The following JAKMIP1 variants were observed in gnomAD, a reference collection of about 807,000 sequenced individuals.
JAKMIP1 encodes the protein janus kinase and microtubule interacting protein 1, also known as janus kinase and microtubule-interacting protein 1.
A neutral mutation model predicts 113.0 loss-of-function variants in JAKMIP1; 33 were observed. That is an observed-to-expected ratio of 0.29 (90% confidence interval 0.22 to 0.39). The LOEUF (loss-of-function observed/expected upper bound fraction) is 0.39. Among genes scored for constraint, JAKMIP1 ranks in the 10% least tolerant of loss-of-function variants. The pLI is 1.00. For synonymous variants in JAKMIP1, 480 were observed against 459.9 expected (o/e 1.04, Z -0.56); for missense variants, 813 against 1,080.5 (o/e 0.75, Z 3.47).
Position 6,141,746 on chromosome 4 carries a change from A to G in JAKMIP1, c.-147-28749T>C, listed in dbSNP as rs537596048. 3.3e-5 allele frequency among the ~76,000 whole-genome samples: 5 copies of G among 152,296 alleles called. No individual in the cohort carries two copies. The East Asian group carries it at 7.7e-4, about 24-fold the overall frequency. On this transcript the variant is annotated intron_variant, in intron 1 of 20. Transcript: ENST00000409021. The surrounding 1 kb of genome is among the most constrained non-coding windows in gnomAD (Gnocchi z 9.4). The stretch of plus-strand genomic sequence containing the variant: ...TCTGCACCAAATGGAAAGTGGCCCC[A>G]GGACACTGATGCCGAGGATGCTGAC...
chr4:6,056,908 T>G, intron 11 of JAKMIP1, 149 bp from the exon 12 acceptor site: 2 of 606,180 alleles, frequency 3.3e-6, no homozygotes, highest in Non-Finnish European at 3.0e-6. Context: ...ATTGTCCCTG[T>G]CCACTTTTAA....
In JAKMIP1 at chr4:6,093,453, ACAGTGTC is replaced by A. The variant is rs1225541011; in HGVS notation, c.625-7831_625-7825del. Among the ~76,000 whole-genome samples, 3 of 152,194 alleles carry A rather than the reference ACAGTGTC, an allele frequency of 2.0e-5. No homozygotes were observed. Among genetic ancestry groups the A allele is most frequent in the Non-Finnish European group, 4.4e-5 (3 of 68,046 alleles). ...ATTTCATGGCCATGGATGACTATAAACAGTGTCCAGCTCCCATTAAACTGATTGTTTA... is the reference window on the plus strand; with the variant it reads ...ATTTCATGGCCATGGATGACTATAAACAGCTCCCATTAAACTGATTGTTTA... On this transcript the variant is annotated intron_variant, in intron 3 of 20. Transcript: ENST00000409021. The surrounding 1 kb of genome is among the most constrained non-coding windows in gnomAD (Gnocchi z 4.6).
At position 6,167,677 on chromosome 4, in the gene JAKMIP1, A is replaced by C. The variant is rs1316503156; in HGVS notation, c.-148+32576T>G. ...TCCATGGGCCGGGCACTGAGCTTAG[A>C]GTGACACGTGTCAGCTCCCTCCACC... On this transcript the variant is annotated intron_variant, in intron 1 of 20. Coordinates refer to ENST00000409021, the MANE Select transcript of JAKMIP1 (RefSeq NM_001099433.2). The surrounding 1 kb of genome is among the most constrained non-coding windows in gnomAD (Gnocchi z 5.3). 6.6e-6 allele frequency among the ~76,000 whole-genome samples: 1 copy of C among 152,164 alleles called. No individual in the cohort carries two copies. Among genetic ancestry groups the C allele is most frequent in the African/African-American group, 2.4e-5 (1 of 41,434 alleles).
chr4:6,047,261 C>T (rs1242712303), intron 16 of JAKMIP1, among the ~76,000 whole-genome samples: 5 of 152,224 alleles, frequency 3.3e-5, no homozygotes, highest in South Asian at 2.1e-4. Flanking sequence ...CTCCCAGGGC[C>T]GTGCTCAGCA....
chr4:6,107,555 C>A (rs763089782), intron 2 of JAKMIP1, among the ~76,000 whole-genome samples: 1 of 152,130 alleles, frequency 6.6e-6, no homozygotes, highest in Admixed American at 6.5e-5. Flanking sequence ...TCCAATCAGT[C>A]GAAGGCTTTA....
At chr4:6,103,552 C>G (rs1339626822) in intron 3 of JAKMIP1, among the ~76,000 whole-genome samples, 1 of 152,216 alleles carries the variant, frequency 6.6e-6, no homozygotes, top group Non-Finnish European at 1.5e-5. Context: ...TCTCTATTTT[C>G]TGGAAGACTT....
Position 6,078,967 on chromosome 4 carries a change from T to A in JAKMIP1, c.1274A>T (p.His425Leu). The change falls in exon 8 of 21, where the codon CAT (histidine) becomes CTT (leucine). Residue 425 changes from histidine to leucine, a missense_variant. His to Leu is a moderately conservative substitution (Grantham distance 99). Transcript: ENST00000409021. Reference sequence around the variant, plus strand: ...GGGCGGTTTCAGACTTTTCCCTCGATGCCTTTTGGAGCGCAACAGCCGTTC... The same window carrying A: ...GGGCGGTTTCAGACTTTTCCCTCGAAGCCTTTTGGAGCGCAACAGCCGTTC... Reference protein sequence around the residue: ...ERERLLRSKRHRGKSLKPPKK... With the variant: ...ERERLLRSKRLRGKSLKPPKK... 6.2e-7 allele frequency: 1 copy of A among 1,614,196 alleles called. No homozygotes were observed. Among genetic ancestry groups the A allele is most frequent in the Non-Finnish European group, 8.5e-7 (1 of 1,180,032 alleles).
intron 1 of JAKMIP1, among the ~76,000 whole-genome samples, chr4:6,160,237 A>T (rs4689349): frequency 0.07 from 10,678 of 152,244 alleles, 885 homozygotes; most frequent in African/African-American, 0.2. Context: ...AATGTCAGGT[A>T]TGAGATGTAA....
chr4:6,046,100 C>T (rs915119727), intron 16 of JAKMIP1, among the ~76,000 whole-genome samples: 3 of 152,156 alleles, frequency 2.0e-5, no homozygotes, highest in Admixed American at 1.3e-4. Context: ...TGTTGGCCCA[C>T]GACTGTCCCT....
chr4:6,090,344 C>G (rs1721875727), intron 3 of JAKMIP1, among the ~76,000 whole-genome samples: 1 of 152,176 alleles, frequency 6.6e-6, no homozygotes, highest in Non-Finnish European at 1.5e-5. Flanking sequence ...GCCGGCCACA[C>G]CAGAAGCTGC....
chr4:6,098,202 A>T (rs572809747), intron 3 of JAKMIP1, among the ~76,000 whole-genome samples: 55 of 152,320 alleles, frequency 3.6e-4, no homozygotes, highest in Admixed American at 6.5e-4. Context: ...ATGCCAAGAC[A>T]GGTGGATCAC....
intron 1 of JAKMIP1, among the ~76,000 whole-genome samples, chr4:6,119,570 CAA>C (rs142605287): frequency 1.0e-4 from 13 of 128,412 alleles, no homozygotes; most frequent in East Asian, 5.3e-4. Context: ...ACAACAACAA[CAA>C]AAAAAAACCA....
At chr4:6,130,223 C>T (rs951459729) in intron 1 of JAKMIP1, among the ~76,000 whole-genome samples, 2 of 152,208 alleles carry the variant, frequency 1.3e-5, no homozygotes, top group Non-Finnish European at 2.9e-5. Context: ...GGAGCGGGGA[C>T]GCAATGAGAA....
At chr4:6,027,483 G>C (rs1712007767) in intron 20 of JAKMIP1, among the ~76,000 whole-genome samples, 1 of 152,212 alleles carries the variant, frequency 6.6e-6, no homozygotes, top group South Asian at 2.1e-4. Flanking sequence ...TTCTGGCAAT[G>C]ACGAAGGGAC....
chr4:6,170,267 A>T (rs1206051862), intron 1 of JAKMIP1, among the ~76,000 whole-genome samples: 3 of 139,250 alleles, frequency 2.2e-5, no homozygotes, highest in South Asian at 4.8e-4. Context: ...TCTCACCACC[A>T]CCACCACCAT....
In JAKMIP1 at chr4:6,178,640, T is replaced by G. The variant is rs1159087747; in HGVS notation, c.-148+21613A>C. 6.6e-6 allele frequency among the ~76,000 whole-genome samples: 1 copy of G among 152,216 alleles called. No homozygotes were observed. Among genetic ancestry groups the G allele is most frequent in the Admixed American group, 6.5e-5 (1 of 15,276 alleles). ...TGTTTGCTTCCCCTAATGCCATGAT[T>G]GTAAGTTTTTTAAGGCTTCCCCAGC... On this transcript the variant is annotated intron_variant, in intron 1 of 20. Transcript: ENST00000409021. This position sits in a 1 kb window ranked among gnomAD's most constrained non-coding sequence, Gnocchi z 5.5.
intron 1 of JAKMIP1, among the ~76,000 whole-genome samples, chr4:6,148,339 A>G (rs963651181): frequency 6.6e-6 from 1 of 152,122 alleles, no homozygotes; most frequent in Non-Finnish European, 1.5e-5. Context: ...TGCCCAGAAC[A>G]TTTTCCTAGC....
Position 6,199,591 on chromosome 4 carries a change from A to T in JAKMIP1, c.-148+662T>A, listed in dbSNP as rs1269068428. Among the ~76,000 whole-genome samples, 1 of 151,952 alleles carries T rather than the reference A, an allele frequency of 6.6e-6. No individual in the cohort carries two copies. Among genetic ancestry groups the T allele is most frequent in the Non-Finnish European group, 1.5e-5 (1 of 67,926 alleles). On this transcript the variant is annotated intron_variant, in intron 1 of 20. Transcript: ENST00000409021. This position sits in a 1 kb window ranked among gnomAD's most constrained non-coding sequence, Gnocchi z 5.6. ...CCGGCCCGGCAGGAGGGTGGGTGCCAGCCTTTCTTCCCATCTCTCGAGCCT... is the reference window on the plus strand; with the variant it reads ...CCGGCCCGGCAGGAGGGTGGGTGCCTGCCTTTCTTCCCATCTCTCGAGCCT...
intron 19 of JAKMIP1, among the ~76,000 whole-genome samples, chr4:6,034,439 C>G (rs539665335): frequency 2.0e-5 from 3 of 152,124 alleles, no homozygotes; most frequent in Admixed American, 6.5e-5. Flanking sequence ...TGCCCTTTCC[C>G]TTTGATGGTG....
Sources: allele counts gnomAD v4.1 joint callset (sites outside exome capture counted in the v4.1 genomes callset), GRCh38; gene constraint gnomAD v4.1.1; non-coding constraint Gnocchi (gnomAD v3.1); transcripts MANE v1.5; gene names NCBI Gene and HGNC (gene_info 2026-07-23, HGNC 2026-07-21).